Variants in DNAH8 observed in about 807,000 individuals in gnomAD.
The protein encoded by DNAH8 is axonemal beta dynein heavy chain 8.
DNAH8 carries 382 observed loss-of-function variants against 562.1 expected under a neutral mutation model. The observed-to-expected ratio is 0.68, with a 90% CI of 0.63 to 0.74. The LOEUF (loss-of-function observed/expected upper bound fraction) is 0.74, where lower values mean the gene tolerates loss of function less well. Ranked by LOEUF, DNAH8 falls within the 30% of genes least tolerant of loss-of-function variation. DNAH8 has a pLI of 0.00. For synonymous variants in DNAH8, 1,881 were observed against 1,919.4 expected (o/e 0.98, Z 0.52); for missense variants, 5,203 against 5,620.4 (o/e 0.93, Z 2.37).
At chr6:38,959,191 G>A (rs1334463168) in intron 82 of DNAH8, among the ~76,000 whole-genome samples, 2 of 152,164 alleles carry the variant, frequency 1.3e-5, no homozygotes, top group Admixed American at 1.3e-4. Context: ...GGGAAAAGTT[G>A]AAAGCTTTTC....
rs776488002 is a variant in DNAH8, at chr6:38,845,569, C to T, written c.4846-5C>T. 28 of 1,611,382 alleles carry T rather than the reference C, an allele frequency of 1.7e-5. No individual in the cohort carries two copies. Among genetic ancestry groups the T allele is most frequent in the Non-Finnish European group, 2.1e-5 (25 of 1,177,798 alleles). On this transcript the variant is annotated splice_polypyrimidine_tract_variant and splice_region_variant and intron_variant, in intron 35 of 92. Transcript: ENST00000327475. ...CATGACATATACTTTGCTTTTCCTT[C>T]AAAGGATATTTGCATATCTGCCATT...
At chr6:38,980,721 A>G (rs950601287) in intron 85 of DNAH8, among the ~76,000 whole-genome samples, 1 of 151,980 alleles carries the variant, frequency 6.6e-6, no homozygotes, top group Admixed American at 6.6e-5. Context: ...TAGAGGTAAC[A>G]GTAGTACTTT....
At chr6:38,814,693 CT>C (rs1167538085) in intron 25 of DNAH8, among the ~76,000 whole-genome samples, 14 of 152,306 alleles carry the variant, frequency 9.2e-5, no homozygotes, top group Admixed American at 9.2e-4. Context: ...AATTGCCTTG[CT>C]TTTTCTTACT....
At chr6:38,927,872 CT>C (rs1307931591) in intron 74 of DNAH8, among the ~76,000 whole-genome samples, 1 of 152,204 alleles carries the variant, frequency 6.6e-6, no homozygotes, top group African/African-American at 2.4e-5. Flanking sequence ...ATGCCCGAAA[CT>C]CTTCCTTATT....
Position 38,892,287 on chromosome 6 carries a change from C to G in DNAH8, c.8583+1526C>G, listed in dbSNP as rs115029813. Among the ~76,000 whole-genome samples, 245 of 152,290 alleles carry G rather than the reference C, an allele frequency of 1.6e-3. 1 individual carries two copies. Among genetic ancestry groups the G allele is most frequent in the African/African-American group, 5.5e-3 (229 of 41,564 alleles). ...AAATGGATATCTCCATCCCAGGCCT[C>G]TCTACCTGGCTCCAGGCCGATTGCT... On this transcript the variant is annotated intron_variant, in intron 58 of 92. Coordinates refer to ENST00000327475, the MANE Select transcript of DNAH8 (RefSeq NM_001206927.2).
At chr6:38,750,780 T>A (rs71571348) in intron 9 of DNAH8, among the ~76,000 whole-genome samples, 191 bp downstream of exon 9, 5 of 151,740 alleles carry the variant, frequency 3.3e-5, no homozygotes, top group Admixed American at 3.3e-4. Context: ...TAAAAAAAAA[T>A]AGTACAATTT....
intron 91 of DNAH8, among the ~76,000 whole-genome samples, chr6:39,020,091 T>C (rs1025369070): frequency 6.6e-6 from 1 of 152,136 alleles, no homozygotes; most frequent in African/African-American, 2.4e-5. Flanking sequence ...GAAAAGATAG[T>C]TCAGGGCAGA....
intron 32 of DNAH8, among the ~76,000 whole-genome samples, chr6:38,836,556 C>G (rs1235724310): frequency 6.6e-6 from 1 of 151,032 alleles, no homozygotes; most frequent in African/African-American, 2.4e-5. Flanking sequence ...CATCTTTTGC[C>G]TTTCTGTACC....
intron 57 of DNAH8, among the ~76,000 whole-genome samples, chr6:38,888,787 G>A (rs943185000): frequency 3.3e-5 from 5 of 152,216 alleles, no homozygotes; most frequent in Admixed American, 6.5e-5. Context: ...CCTGCTGGCC[G>A]TAGTGTCAGT....
intron 25 of DNAH8, among the ~76,000 whole-genome samples, chr6:38,814,419 A>G (rs897090326): frequency 1.2e-4 from 18 of 152,300 alleles, no homozygotes; most frequent in African/African-American, 4.1e-4. Flanking sequence ...CGTCTCCACT[A>G]AAAATACAAA....
intron 80 of DNAH8, among the ~76,000 whole-genome samples, chr6:38,949,028 G>T (rs1761662028): frequency 6.6e-6 from 1 of 152,152 alleles, no homozygotes; most frequent in South Asian, 2.1e-4. Context: ...TGTGTCTGGA[G>T]ACATTTTTGA....
intron 83 of DNAH8, among the ~76,000 whole-genome samples, chr6:38,972,790 A>G (rs1763431203): frequency 6.6e-6 from 1 of 152,200 alleles, no homozygotes; most frequent in African/African-American, 2.4e-5. Flanking sequence ...TGTGGAACAC[A>G]GAGTGGGGAA....
At chr6:38,990,298 G>A (rs1583521102) in intron 88 of DNAH8, 126 bp downstream of exon 88, 2 of 690,600 alleles carry the variant, frequency 2.9e-6, no homozygotes, top group Non-Finnish European at 2.4e-6. Context: ...GTGAAAAATA[G>A]TGTCGCTTCC....
At chr6:38,900,900 C>T (rs758800655) in intron 62 of DNAH8, among the ~76,000 whole-genome samples, 7 of 152,306 alleles carry the variant, frequency 4.6e-5, no homozygotes, top group South Asian at 4.1e-4. Flanking sequence ...TGAGCCACCG[C>T]GCCTGGCCGA....
At chr6:38,757,958 G>A (rs1273572108) in intron 10 of DNAH8, among the ~76,000 whole-genome samples, 1 of 152,154 alleles carries the variant, frequency 6.6e-6, no homozygotes, top group Non-Finnish European at 1.5e-5. Context: ...GTAGCGTGAT[G>A]CCTCTAGCTT....
intron 82 of DNAH8, among the ~76,000 whole-genome samples, chr6:38,958,244 A>T (rs994891397): frequency 2.0e-5 from 3 of 151,896 alleles, no homozygotes; most frequent in Non-Finnish European, 2.9e-5. Context: ...TGACCTTGTG[A>T]TCCACCCACC....
intron 52 of DNAH8, among the ~76,000 whole-genome samples, chr6:38,874,367 C>T (rs1583243877): frequency 7.0e-6 from 1 of 143,322 alleles, no homozygotes. Flanking sequence ...TCTTTTCTTT[C>T]CTTTTCTTTC....
At chr6:39,027,683 C>T (rs190618595) in intron 92 of DNAH8, among the ~76,000 whole-genome samples, 1 of 151,962 alleles carries the variant, frequency 6.6e-6, no homozygotes, top group Non-Finnish European at 1.5e-5. Flanking sequence ...AAAACTTAGC[C>T]TGGGGTGGTG....
Position 38,825,241 on chromosome 6 carries a change from G to A in DNAH8, c.3848-915G>A, listed in dbSNP as rs1773214549. On this transcript the variant is annotated intron_variant, in intron 28 of 92. Coordinates refer to ENST00000327475, the MANE Select transcript of DNAH8 (RefSeq NM_001206927.2). ...GGCTGCATGGTTGTTCTTGGGCCAC[G>A]CTTTCTCCTCAGCTCCACAGGCCTC... is the stretch of plus-strand genomic sequence containing the variant. 2.0e-5 allele frequency among the ~76,000 whole-genome samples: 3 copies of A among 152,222 alleles called. No individual in the cohort carries two copies. The South Asian group carries it at 6.2e-4, about 32-fold the overall frequency.
Sources: gnomAD v4.1 joint callset for allele counts (sites outside exome capture counted in the v4.1 genomes callset) on GRCh38, gnomAD v4.1.1 for gene constraint, MANE v1.5 for transcripts, NCBI Gene and HGNC (gene_info 2026-07-23, HGNC 2026-07-21) for gene names.